DOCK6: variants seen among roughly 807,000 people sequenced by gnomAD.
DOCK6 encodes dedicator of cytokinesis 6, also known as dedicator of cytokinesis protein 6.
In DOCK6, 167 loss-of-function variants were observed where a neutral mutation model predicts 230.3. The observed-to-expected ratio is 0.73, with a 90% CI of 0.64 to 0.82. The LOEUF is 0.82. Ranked by LOEUF, DOCK6 falls within the 40% of genes least tolerant of loss-of-function variation. The probability of loss-of-function intolerance (pLI) is 0.00; values close to 1 mark genes in which losing one functional copy is unlikely to be tolerated. For missense variants in DOCK6, 2,598 were observed against 2,825.8 expected (o/e 0.92, Z 1.83); for synonymous variants, 1,148 against 1,185.0 (o/e 0.97, Z 0.64).
Position 11,261,156 on chromosome 19 carries a change from C to T in DOCK6, c.44+1241G>A, listed in dbSNP as rs1246750045. On this transcript the variant is annotated intron_variant, in intron 1 of 47. Transcript: ENST00000294618. ...CTTGCACAGCCCACACGACCCTGTA[C>T]ATTCTACTCTTACTGTCCCCCTCCA... Among the ~76,000 whole-genome samples the T allele has an allele frequency of 2.0e-5, 3 of 150,484 alleles. No homozygotes were observed. The East Asian group carries it at 5.8e-4, about 29-fold the overall frequency.
At chr19:11,237,115 T>C (rs2079861245) in intron 18 of DOCK6, 2 of 591,066 alleles carry the variant, frequency 3.4e-6, no homozygotes, top group South Asian at 4.1e-5. Context: ...TGAATATTCA[T>C]TGAGTAGGTC....
At chr19:11,204,593 G>A (rs989441551) in intron 39 of DOCK6, among the ~76,000 whole-genome samples, 1 of 152,100 alleles carries the variant, frequency 6.6e-6, no homozygotes, top group African/African-American at 2.4e-5. Context: ...AGGCTGGAGT[G>A]TAGTGGTACA....
At position 11,201,869 on chromosome 19, in the gene DOCK6, G is replaced by A. The variant is rs1181142511; in HGVS notation, c.5688+20C>T. On this transcript the variant is annotated intron_variant, in intron 44 of 47. Transcript: ENST00000294618. This position sits in a 1 kb window ranked among gnomAD's most constrained non-coding sequence, Gnocchi z 4.3. ...TCCCCTCACCTCCCCACCCCCGCCAGGCCCAGGATCCCCACCCACCTCCTC... is the reference window on the plus strand; with the variant it reads ...TCCCCTCACCTCCCCACCCCCGCCAAGCCCAGGATCCCCACCCACCTCCTC... 3.7e-5 allele frequency: 31 copies of A among 829,902 alleles called. No individual in the cohort carries two copies. The highest frequency in any genetic ancestry group is 5.7e-4 in the Middle Eastern group (2 of 3,530). 51.4% of individuals were successfully genotyped at this position (829,902 alleles called of 1,614,324 possible).
chr19:11,210,097 C>T (rs1305482932), intron 37 of DOCK6, among the ~76,000 whole-genome samples: 1 of 145,514 alleles, frequency 6.9e-6, no homozygotes, highest in Non-Finnish European at 1.5e-5. Context: ...CCCACCTTCT[C>T]ACCTGTCCAC....
intron 35 of DOCK6, among the ~76,000 whole-genome samples, chr19:11,212,664 G>T (rs2079409932): frequency 6.7e-6 from 1 of 149,870 alleles, no homozygotes; most frequent in Non-Finnish European, 1.5e-5. Context: ...TCAGGTTCAA[G>T]CGATTCTCGT....
intron 21 of DOCK6, among the ~76,000 whole-genome samples, chr19:11,235,197 C>T (rs755554054): frequency 3.3e-5 from 5 of 152,302 alleles, no homozygotes; most frequent in Middle Eastern, 3.4e-3. Context: ...CTCACTGCAA[C>T]CTCTGCCTCC....
At chr19:11,242,478 G>T (rs533619793) in intron 13 of DOCK6, among the ~76,000 whole-genome samples, 1 of 151,982 alleles carries the variant, frequency 6.6e-6, no homozygotes, top group Non-Finnish European at 1.5e-5. Context: ...TGCAACCTCT[G>T]CCTCCCCAGT....
intron 28 of DOCK6, among the ~76,000 whole-genome samples, chr19:11,220,173 C>G (rs910717542): frequency 6.6e-6 from 1 of 152,144 alleles, no homozygotes; most frequent in East Asian, 1.9e-4. Flanking sequence ...AGGCTGGTCT[C>G]GATCTCCTGA....
In DOCK6 at chr19:11,243,187, G is replaced by C. The variant is rs370727806; in HGVS notation, c.1387-35C>G. The C allele has an allele frequency of 1.2e-6, 2 of 1,612,854 alleles. No individual in the cohort carries two copies. The highest frequency in any genetic ancestry group is 1.7e-6 in the Non-Finnish European group (2 of 1,178,946). On this transcript the variant is annotated intron_variant, in intron 12 of 47. Coordinates refer to ENST00000294618, the MANE Select transcript of DOCK6 (RefSeq NM_020812.4). The surrounding 1 kb of genome is among the most constrained non-coding windows in gnomAD (Gnocchi z 6.3). ...ACCCACTCCCGTCAGCCTGGGCCAG[G>C]GGGCTAGGGGTCCCCAGGGCTAATG...
intron 47 of DOCK6, among the ~76,000 whole-genome samples, 167 bp from the exon 48 acceptor site, chr19:11,199,706 C>A (rs910560083): frequency 2.0e-5 from 3 of 152,216 alleles, no homozygotes; most frequent in Non-Finnish European, 4.4e-5. Flanking sequence ...CTCTTGCAGT[C>A]CACCACGGAA....
chr19:11,260,080 A>G (rs2080262344), intron 1 of DOCK6, among the ~76,000 whole-genome samples: 1 of 152,074 alleles, frequency 6.6e-6, no homozygotes, highest in Non-Finnish European at 1.5e-5. Context: ...ATGGATGAAC[A>G]GATGAATATA....
At position 11,213,314 on chromosome 19, in the gene DOCK6, C is replaced by T. The variant is rs769931137; in HGVS notation, c.4353G>A (p.Leu1451=). 10 of 1,611,728 alleles carry T rather than the reference C, an allele frequency of 6.2e-6. 1 individual carries two copies. In the South Asian group the frequency reaches 1.1e-4, roughly 18 times the overall value. The change falls in exon 35 of 48, where the codon CTG becomes CTA. Residue 1451 remains leucine (L), a synonymous_variant. Transcript: ENST00000294618. Reference sequence around the variant, plus strand: ...CACACAGCTCCGTGTCCTCCTCGAACAGCAGCTCCGGGAACTGCCCCCAAG... The same window carrying T: ...CACACAGCTCCGTGTCCTCCTCGAATAGCAGCTCCGGGAACTGCCCCCAAG... ...RALVSKFPEL[L]FEEDTELCAD...
rs376679776 is a variant in DOCK6 at position 11,208,531 on chromosome 19, C to A, written c.5088+155G>T. 4.2e-4 allele frequency: 450 copies of A among 1,077,024 alleles called. 2 individuals are homozygous for A. Among genetic ancestry groups the A allele is most frequent in the African/African-American group, 3.0e-3 (191 of 63,106 alleles). 66.7% of individuals were successfully genotyped at this position (1,077,024 alleles called of 1,614,324 possible). A position where few individuals can be genotyped will look rare whatever the true frequency, so the allele number is the denominator to read the frequency against. On this transcript the variant is annotated intron_variant, in intron 39 of 47. Transcript: ENST00000294618. ...CCTGGCCTCATGACCTGCCTGCCTC[C>A]GCCTCCCAAAGTGCTGGGGTTACAG...
At chr19:11,203,953 GGCCACA>G in intron 41 of DOCK6, 122 bp downstream of exon 41, 8 of 1,274,106 alleles carry the variant, frequency 6.3e-6, no homozygotes, top group South Asian at 4.1e-5. Flanking sequence ...GGTCCCTTGT[GGCCACA>G]GCCCCAGCCC....
chr19:11,211,918 A>G, intron 36 of DOCK6, 42 bp from the exon 37 acceptor site: 1 of 1,564,186 alleles, frequency 6.4e-7, no homozygotes, highest in Non-Finnish European at 8.7e-7. Flanking sequence ...GAGCATTAGG[A>G]AGTGAAGGGA....
At position 11,227,489 on chromosome 19, in the gene DOCK6, G is replaced by T; in HGVS notation, c.2815-12C>A. The T allele has an allele frequency of 6.5e-7, 1 of 1,534,052 alleles. No homozygotes were observed. The highest frequency in any genetic ancestry group is 2.5e-5 in the East Asian group (1 of 40,142). On this transcript the variant is annotated splice_polypyrimidine_tract_variant and intron_variant, in intron 23 of 47. Transcript: ENST00000294618. The stretch of plus-strand genomic sequence containing the variant: ...GCCATACTCTTCACCTGGGGGTGGG[G>T]TGAGAGGGCTGTGGGTGGGATTTGA...
Position 11,236,669 on chromosome 19 carries a change from G to T in DOCK6, c.2161-92C>A. 6.6e-7 allele frequency: 1 copy of T among 1,508,278 alleles called. No individual in the cohort carries two copies. The highest frequency in any genetic ancestry group is 9.0e-7 in the Non-Finnish European group (1 of 1,110,838). The allele number at this position is 1,508,278 out of a possible 1,614,324, so 93.4% of individuals were successfully genotyped here. On this transcript the variant is annotated intron_variant, in intron 19 of 47. Transcript: ENST00000294618. The surrounding 1 kb of genome is among the most constrained non-coding windows in gnomAD (Gnocchi z 5.2). Reference sequence around the variant, plus strand: ...GCAGCTTCCCTTAAAGCTGGGTCCAGCTGACCAAAGTCACGTCCAAGGCCT... The same window carrying T: ...GCAGCTTCCCTTAAAGCTGGGTCCATCTGACCAAAGTCACGTCCAAGGCCT...
chr19:11,222,922 G>A lies in DOCK6; in HGVS notation c.3070-17C>T, dbSNP rs1180485915. 1 of 1,611,736 alleles carries A rather than the reference G, an allele frequency of 6.2e-7. No homozygotes were observed. Among genetic ancestry groups the A allele is most frequent in the East Asian group, 2.2e-5 (1 of 44,806 alleles). On this transcript the variant is annotated splice_polypyrimidine_tract_variant and intron_variant, in intron 25 of 47. Coordinates refer to ENST00000294618, the MANE Select transcript of DOCK6 (RefSeq NM_020812.4). This position sits in a 1 kb window ranked among gnomAD's most constrained non-coding sequence, Gnocchi z 4.0. ...CGTGGCCACCTGCAGGAGAGGGGTG[G>A]CCATCAGTGATGTCAACATTGCTCC...
At chr19:11,215,609 G>T in intron 31 of DOCK6, 138 bp from the exon 32 acceptor site, 1 of 1,266,036 alleles carries the variant, frequency 7.9e-7, no homozygotes, top group South Asian at 1.3e-5. Flanking sequence ...CCTGCCGGGT[G>T]GACGCACAGG....
Sources: gnomAD v4.1 joint callset for allele counts (sites outside exome capture counted in the v4.1 genomes callset) on GRCh38, gnomAD v4.1.1 for gene constraint, Gnocchi (gnomAD v3.1) non-coding constraint, MANE v1.5 for transcripts, NCBI Gene and HGNC (gene_info 2026-07-23, HGNC 2026-07-21) for gene names.